Variants in BRF1 observed in about 807,000 individuals in gnomAD.
The protein encoded by BRF1 is BRF1 general transcription factor IIIB subunit, also known as transcription factor IIIB 90 kDa subunit.
Under a neutral mutation model 81.7 loss-of-function variants are expected in BRF1, and 59 were observed. The ratio of observed to expected loss-of-function variants is 0.72; its 90% CI spans 0.59 to 0.90. BRF1 has a LOEUF of 0.90. Among genes scored for constraint, BRF1 ranks in the 40% least tolerant of loss-of-function variants. The pLI is 0.00. For synonymous variants in BRF1, 491 were observed against 395.6 expected, an observed-to-expected ratio of 1.24 and a Z score of -2.86; for missense variants, 1,050 against 936.3, an observed-to-expected ratio of 1.12 and a Z score of -1.58.
At chr14:105,289,035 C>CAAAAAAAAA in intron 1 of BRF1, among the ~76,000 whole-genome samples, 1 of 96,508 alleles carries the variant, frequency 1.0e-5, no homozygotes, top group East Asian at 3.5e-4. Context: ...GACCCTGTCT[C>CAAAAAAAAA]AAAAAAAAAA....
chr14:105,308,842 T>G (rs990606415), intron 1 of BRF1, among the ~76,000 whole-genome samples: 2 of 151,776 alleles, frequency 1.3e-5, no homozygotes, highest in Non-Finnish European at 2.9e-5. Flanking sequence ...AGCACAGTGG[T>G]TCACACTTGT....
chr14:105,299,551 G>C (rs1566877356), intron 1 of BRF1, among the ~76,000 whole-genome samples: 1 of 152,130 alleles, frequency 6.6e-6, no homozygotes, highest in Non-Finnish European at 1.5e-5. Context: ...CACCAGCCTG[G>C]GCCACAGAGT....
At chr14:105,225,650 C>T (rs1892967028) in intron 10 of BRF1, among the ~76,000 whole-genome samples, 1 of 148,890 alleles carries the variant, frequency 6.7e-6, no homozygotes, top group Non-Finnish European at 1.5e-5. Context: ...AACTTACATT[C>T]TTTTTTTTTT....
At chr14:105,249,592 G>C in intron 5 of BRF1, 2 of 1,587,136 alleles carry the variant, frequency 1.3e-6, no homozygotes, top group Non-Finnish European at 1.7e-6. Context: ...CCAGCCCCGC[G>C]ATGGGTGCTT....
At chr14:105,266,883 A>C (rs2056441374) in intron 3 of BRF1, among the ~76,000 whole-genome samples, 1 of 152,082 alleles carries the variant, frequency 6.6e-6, no homozygotes, top group Non-Finnish European at 1.5e-5. Flanking sequence ...GTCGCCACAA[A>C]AAGTACAAAA....
rs765999259 is a variant in BRF1 at position 105,315,073 on chromosome 14, C to T, written c.-162+249G>A. The T allele has an allele frequency of 1.8e-6, 2 of 1,122,324 alleles. No homozygotes were observed. The highest frequency in any genetic ancestry group is 2.7e-5 in the South Asian group (1 of 37,684). 69.5% of individuals were successfully genotyped at this position (1,122,324 alleles called of 1,614,324 possible). On this transcript the variant is annotated intron_variant, in intron 1 of 17. Coordinates refer to the BRF1 transcript ENST00000327359. This position sits in a 1 kb window ranked among gnomAD's most constrained non-coding sequence, Gnocchi z 4.4. ...CCCGCCGCGCTTTGTTCCCGCCGGG[C>T]ACCTGCTGGGGGTGTCCTGGCCGCG... is the stretch of plus-strand genomic sequence containing the variant.
rs1388910953 is a variant in BRF1 at position 105,210,436 on chromosome 14, T to A, written c.*115A>T. 1.0e-5 allele frequency: 12 copies of A among 1,172,900 alleles called. No individual in the cohort carries two copies. Among genetic ancestry groups the A allele is most frequent in the Non-Finnish European group, 1.5e-5 (12 of 821,606 alleles). 72.7% of individuals were successfully genotyped at this position (1,172,900 alleles called of 1,614,324 possible). A position where few individuals can be genotyped will look rare whatever the true frequency, so the allele number is the denominator to read the frequency against. ...CGAGGGCTGTGGGACAGGTGCCACC[T>A]GTCACCAGGAGTCTCGGCGCTGGGG... On this transcript the variant is annotated 3_prime_UTR_variant, in exon 18 of 18. Coordinates refer to ENST00000547530, the MANE Select transcript of BRF1 (RefSeq NM_001519.4). The surrounding 1 kb of genome is among the most constrained non-coding windows in gnomAD (Gnocchi z 4.7).
intron 11 of BRF1, among the ~76,000 whole-genome samples, chr14:105,220,834 C>T (rs1255730145): frequency 6.6e-6 from 1 of 152,214 alleles, no homozygotes; most frequent in Non-Finnish European, 1.5e-5. Context: ...CGGCTCCTCT[C>T]AGCACTCACA....
Position 105,209,897 on chromosome 14 carries a change from T to C in BRF1, c.*654A>G. 2.6e-6 allele frequency: 1 copy of C among 387,532 alleles called. No individual in the cohort carries two copies. Among genetic ancestry groups the C allele is most frequent in the Non-Finnish European group, 4.6e-6 (1 of 219,284 alleles). 24.0% of individuals were successfully genotyped at this position (387,532 alleles called of 1,614,324 possible). On this transcript the variant is annotated 3_prime_UTR_variant, in exon 18 of 18. Transcript: ENST00000547530. ...CTGACCCCCATGCTGCTCCAGGCGG[T>C]GCAGGCAGCGGGGAGGGGGGTCTGG...
chr14:105,241,066 G>A (rs1272523304), intron 6 of BRF1, among the ~76,000 whole-genome samples, 199 bp downstream of exon 6: 1 of 152,222 alleles, frequency 6.6e-6, no homozygotes, highest in South Asian at 2.1e-4. Flanking sequence ...GCCAGGACAC[G>A]CAGAGGCCAA....
chr14:105,227,835 A>G (rs1263877119), intron 7 of BRF1: 1 of 152,268 alleles, frequency 6.6e-6, no homozygotes, highest in Non-Finnish European at 1.5e-5. Context: ...GAAATACTTT[A>G]CAGCTGGTTT....
intron 10 of BRF1, among the ~76,000 whole-genome samples, chr14:105,224,889 C>G (rs756669462): frequency 2.6e-4 from 39 of 152,208 alleles, no homozygotes; most frequent in Non-Finnish European, 4.4e-4. Context: ...TGTTCCAATA[C>G]AAGATTCCTG....
intron 15 of BRF1, among the ~76,000 whole-genome samples, chr14:105,214,655 G>A (rs917143949): frequency 2.0e-5 from 3 of 151,982 alleles, no homozygotes; most frequent in Non-Finnish European, 4.4e-5. Context: ...GGCAGCCACC[G>A]GCAGCCAAAG....
At chr14:105,249,313 GCAGC>G in intron 5 of BRF1, 1 of 1,589,660 alleles carries the variant, frequency 6.3e-7, no homozygotes, top group East Asian at 2.3e-5. Flanking sequence ...TGGCTGACAC[GCAGC>G]CTGCGGGAGA....
rs776323186 is a variant in BRF1, at chr14:105,211,300, C to T, written c.1825-7G>A. On this transcript the variant is annotated splice_region_variant and splice_polypyrimidine_tract_variant and intron_variant, in intron 16 of 17. Transcript: ENST00000547530. ...GAGAGCTTGGGAGCAAAGCCTGGAA[C>T]GAAGTGGGGCTCTGACACACACAGA... 33 of 1,584,672 alleles carry T rather than the reference C, an allele frequency of 2.1e-5. No homozygotes were observed. The highest frequency in any genetic ancestry group is 2.7e-5 in the Non-Finnish European group (31 of 1,164,954).
chr14:105,258,660 G>T (rs1486015215), intron 3 of BRF1, among the ~76,000 whole-genome samples: 2 of 151,932 alleles, frequency 1.3e-5, no homozygotes, highest in Admixed American at 1.3e-4. Context: ...TACCCAGGGG[G>T]TGGTGGCGGG....
At chr14:105,227,392 C>T (rs1321715426) in intron 7 of BRF1, 1 of 152,444 alleles carries the variant, frequency 6.6e-6, no homozygotes, top group Non-Finnish European at 1.5e-5. Flanking sequence ...TGTACTCCAG[C>T]CTGGGCGGCA....
intron 5 of BRF1, chr14:105,248,713 T>A (rs1428242319): frequency 3.1e-6 from 3 of 981,042 alleles, no homozygotes; most frequent in Non-Finnish European, 3.6e-6. Context: ...CCGCCGCCCA[T>A]GCTGCTGCCC....
chr14:105,241,530 C>T, intron 5 of BRF1, 116 bp from the exon 6 acceptor site: 6 of 1,341,680 alleles, frequency 4.5e-6, no homozygotes, highest in East Asian at 2.4e-5. Context: ...CCCCCAGGCC[C>T]CCCACCAGTT....
Sources: gnomAD v4.1 joint callset for allele counts (sites outside exome capture counted in the v4.1 genomes callset) on GRCh38, gnomAD v4.1.1 for gene constraint, Gnocchi (gnomAD v3.1) non-coding constraint, MANE v1.5 for transcripts, NCBI Gene and HGNC (gene_info 2026-07-23, HGNC 2026-07-21) for gene names.